The following SCFD2 variants were observed in gnomAD, a reference collection of about 807,000 sequenced individuals.
The protein encoded by SCFD2 is sec1 family domain-containing protein 2.
A neutral mutation model predicts 58.9 loss-of-function variants in SCFD2; 54 were observed. The observed-to-expected ratio is 0.92, with a 90% CI of 0.74 to 1.15. The LOEUF (loss-of-function observed/expected upper bound fraction) is 1.15. Among genes scored for constraint, SCFD2 ranks in the 50% most tolerant of loss-of-function variants. The pLI, the probability that SCFD2 is intolerant of heterozygous loss-of-function variation, is 0.00. For synonymous variants in SCFD2, 321 were observed against 335.9 expected, an observed-to-expected ratio of 0.96 and a Z score of 0.49; for missense variants, 805 against 836.6, an observed-to-expected ratio of 0.96 and a Z score of 0.47.
intron 4 of SCFD2, among the ~76,000 whole-genome samples, chr4:53,204,647 T>G (rs2148971711): frequency 6.7e-6 from 1 of 148,564 alleles, no homozygotes; most frequent in East Asian, 2.0e-4. Context: ...AAAGGGAATT[T>G]TAAAAAATCA....
rs1376950838 is a variant in SCFD2, at chr4:53,139,168, G to GT, written c.1561+6164dup. Reference sequence around the variant, plus strand: ...TTGCAGACGGAGTCTCGCTCACTCAGTGCTCAATGTTGCCCAGGCTGGAGT... The same window carrying GT: ...TTGCAGACGGAGTCTCGCTCACTCAGTTGCTCAATGTTGCCCAGGCTGGAGT... On this transcript the variant is annotated intron_variant, in intron 5 of 8. Transcript: ENST00000401642. Among the ~76,000 whole-genome samples the GT allele has an allele frequency of 2.6e-5, 4 of 152,326 alleles. 1 individual carries two copies. The highest frequency in any genetic ancestry group is 3.9e-4 in the East Asian group (2 of 5,176).
intron 5 of SCFD2, among the ~76,000 whole-genome samples, chr4:53,000,293 C>G (rs1721834916): frequency 6.6e-6 from 1 of 152,178 alleles, no homozygotes; most frequent in African/African-American, 2.4e-5. Context: ...AGGCCCCAAA[C>G]AGATTTTGCT....
intron 4 of SCFD2, among the ~76,000 whole-genome samples, chr4:53,180,503 T>G: frequency 6.6e-6 from 1 of 151,374 alleles, no homozygotes; most frequent in East Asian, 1.9e-4. Flanking sequence ...TTCAAAGCAG[T>G]GTGTAGAGGG....
At chr4:53,034,796 T>G (rs2148820731) in intron 5 of SCFD2, among the ~76,000 whole-genome samples, 1 of 152,252 alleles carries the variant, frequency 6.6e-6, no homozygotes, top group South Asian at 2.1e-4. Context: ...CAAGGAGAAC[T>G]ACAAACCACT....
chr4:53,334,863 C>T (rs1394712679), intron 2 of SCFD2, among the ~76,000 whole-genome samples: 2 of 152,094 alleles, frequency 1.3e-5, no homozygotes, highest in African/African-American at 2.4e-5. Context: ...GCTAACATCA[C>T]TATAAGTGGA....
chr4:52,920,807 G>A lies in SCFD2; in HGVS notation c.1625C>T (p.Thr542Ile). The change falls in exon 6 of 9, where the codon ACT becomes ATT. Residue 542 changes from threonine (T) to isoleucine (I), a missense_variant. By Grantham distance (89) the Thr-to-Ile change is moderately conservative. Coordinates refer to ENST00000401642, the MANE Select transcript of SCFD2 (RefSeq NM_152540.4). Reference sequence around the variant, plus strand: ...AGCTCCAGCAATATCCCGAAGTGAAGTAAAGAGTTCATCCACGGCAATTTT... The same window carrying A: ...AGCTCCAGCAATATCCCGAAGTGAAATAAAGAGTTCATCCACGGCAATTTT... ...KSKIAVDELF[T>I]SLRDIAGARS... The A allele has an allele frequency of 6.2e-7, 1 of 1,611,150 alleles. No homozygotes were observed.
chr4:53,322,113 G>T (rs1007616286), intron 2 of SCFD2, among the ~76,000 whole-genome samples: 5 of 152,236 alleles, frequency 3.3e-5, no homozygotes, highest in African/African-American at 1.2e-4. Flanking sequence ...GTAAAATAAG[G>T]CTAAGACCTG....
intron 3 of SCFD2, among the ~76,000 whole-genome samples, chr4:53,284,576 CTT>C (rs1731606880): frequency 6.6e-6 from 1 of 151,964 alleles, no homozygotes; most frequent in Non-Finnish European, 1.5e-5. Flanking sequence ...CTCTGGGAAA[CTT>C]GACTTTATTA....
chr4:52,921,519 G>C (rs958551775), intron 5 of SCFD2, among the ~76,000 whole-genome samples: 1 of 152,114 alleles, frequency 6.6e-6, no homozygotes, highest in Non-Finnish European at 1.5e-5. Context: ...AATAGGAAAA[G>C]ATTAAAAATA....
chr4:53,147,268 T>A (rs1726362026), intron 4 of SCFD2, among the ~76,000 whole-genome samples: 1 of 152,212 alleles, frequency 6.6e-6, no homozygotes. Flanking sequence ...TAGAAACTCT[T>A]CCTCTTTTTG....
chr4:53,198,657 C>T (rs1296981815), intron 4 of SCFD2, among the ~76,000 whole-genome samples: 1 of 151,060 alleles, frequency 6.6e-6, no homozygotes, highest in Non-Finnish European at 1.5e-5. Flanking sequence ...TGGTTTTATG[C>T]TGTGTGAGTG....
chr4:53,150,603 G>GA (rs1726476338), intron 4 of SCFD2, among the ~76,000 whole-genome samples: 1 of 152,190 alleles, frequency 6.6e-6, no homozygotes, highest in African/African-American at 2.4e-5. Flanking sequence ...TAATAATAAG[G>GA]ATGTGGGAAT....
chr4:53,337,093 C>T (rs1733708785), intron 2 of SCFD2, among the ~76,000 whole-genome samples: 2 of 149,998 alleles, frequency 1.3e-5, no homozygotes, highest in African/African-American at 4.9e-5. Flanking sequence ...GTGGCTTAAA[C>T]AACAGAAATT....
chr4:53,262,042 T>G (rs909159458), intron 4 of SCFD2, among the ~76,000 whole-genome samples: 1 of 152,192 alleles, frequency 6.6e-6, no homozygotes, highest in African/African-American at 2.4e-5. Flanking sequence ...TGCTTTAAGG[T>G]TTGTTTTGTC....
At chr4:53,256,067 G>C (rs1196457114) in intron 4 of SCFD2, among the ~76,000 whole-genome samples, 1 of 144,814 alleles carries the variant, frequency 6.9e-6, no homozygotes, top group Non-Finnish European at 1.5e-5. Flanking sequence ...GGTGGGGGCT[G>C]ACCCCCACCT....
chr4:53,178,736 A>G (rs935572761), intron 4 of SCFD2, among the ~76,000 whole-genome samples: 2 of 152,210 alleles, frequency 1.3e-5, no homozygotes, highest in African/African-American at 4.8e-5. Flanking sequence ...ATGGCAAAGA[A>G]GTTAAAAACT....
intron 5 of SCFD2, among the ~76,000 whole-genome samples, chr4:53,041,096 C>T (rs548242417): frequency 2.6e-5 from 4 of 152,254 alleles, no homozygotes; most frequent in African/African-American, 9.6e-5. Flanking sequence ...CATATCCGTG[C>T]CATATGGGCA....
intron 5 of SCFD2, among the ~76,000 whole-genome samples, chr4:53,049,943 T>A (rs1723143724): frequency 1.3e-5 from 2 of 152,208 alleles, no homozygotes; most frequent in South Asian, 4.1e-4. Flanking sequence ...TGGCATGTAT[T>A]CATTCATAGA....
chr4:53,139,495 C>A (rs1466357744), intron 5 of SCFD2, among the ~76,000 whole-genome samples: 2 of 124,066 alleles, frequency 1.6e-5, no homozygotes, highest in African/African-American at 2.6e-5. Flanking sequence ...ACCGGCCGCC[C>A]AGTCTGAGAA....
Sources: allele counts gnomAD v4.1 joint callset (sites outside exome capture counted in the v4.1 genomes callset), GRCh38; gene constraint gnomAD v4.1.1; transcripts MANE v1.5; gene names NCBI Gene and HGNC (gene_info 2026-07-23, HGNC 2026-07-21).